Variants in SPG11 observed in about 807,000 individuals in gnomAD.
SPG11 encodes SPG11 vesicle trafficking associated, spatacsin.
Under a neutral mutation model 274.0 loss-of-function variants are expected in SPG11, and 222 were observed. The observed-to-expected ratio is 0.81, with a 90% CI of 0.73 to 0.91. SPG11 has a LOEUF of 0.91. Ranked by LOEUF, SPG11 falls within the 40% of genes least tolerant of loss-of-function variation. The pLI is 0.00. For missense variants in SPG11, 3,114 were observed against 2,872.7 expected (o/e 1.08, Z -1.92); for synonymous variants, 1,144 against 1,039.7 (o/e 1.10, Z -1.93).
At position 44,620,147 on chromosome 15, in the gene SPG11, C is replaced by A. The variant is rs369622164; in HGVS notation, c.2834+43G>T. On this transcript the variant is annotated intron_variant, in intron 15 of 39. Transcript: ENST00000261866. ...TACCATTATTTTTTCTTGCTCTTCC[C>A]TTGTATTCTTCCCATTGGGTATTAG... 96 of 1,473,096 alleles carry A rather than the reference C, an allele frequency of 6.5e-5. No individual in the cohort carries two copies. The African/African-American group carries it at 1.1e-3, about 17-fold the overall frequency. The allele number at this position is 1,473,096 out of a possible 1,614,324, so 91.3% of individuals were successfully genotyped here.
chr15:44,564,751 C>G, intron 38 of SPG11, 53 bp from the exon 39 acceptor site: 1 of 1,587,952 alleles, frequency 6.3e-7, no homozygotes, highest in East Asian at 2.2e-5. Flanking sequence ...GATGTAAAAT[C>G]AAAAACAAAC....
In SPG11 at chr15:44,583,858, A is replaced by G. The variant is rs1177172955; in HGVS notation, c.5822T>C (p.Leu1941Pro). 1 of 1,614,180 alleles carries G rather than the reference A, an allele frequency of 6.2e-7. No homozygotes were observed. The highest frequency in any genetic ancestry group is 8.5e-7 in the Non-Finnish European group (1 of 1,180,020). The change falls in exon 30 of 40, where the codon CTT becomes CCT. Residue 1941 changes from leucine to proline, a missense_variant. Transcript: ENST00000261866. ...GGGAATGTCGGGTGCTTCTTCCTCA[A>G]GCAGCTCAGCACTTTGTAGGAGAGC... is the stretch of plus-strand genomic sequence containing the variant. ...IHALLQSAEL[L>P]EEEAPDIPLR...
chr15:44,618,541 G>A (rs1191653247), intron 15 of SPG11, among the ~76,000 whole-genome samples: 1 of 149,136 alleles, frequency 6.7e-6, no homozygotes, highest in African/African-American at 2.5e-5. Context: ...AAAAAGGCCG[G>A]GCACGGTGGC....
rs1291873470 is a variant in SPG11 at position 44,608,566 on chromosome 15, C to T, written c.3331G>A (p.Val1111Met). 1.9e-6 allele frequency: 3 copies of T among 1,613,930 alleles called. No individual in the cohort carries two copies. In the African/African-American group the frequency reaches 4.0e-5, roughly 22 times the overall value. ...NEENENCLKK[V>M]DPQLLKMALT... ...GCCATCTTCAATAGCTGGGGATCCA[C>T]TTTCTTCAAACAGTTTTCATTTTCT... The change falls in exon 19 of 40, where the codon GTG (valine) becomes ATG (methionine). Residue 1111 changes from valine (V) to methionine (M), a missense_variant. Val to Met is a conservative substitution (Grantham distance 21, BLOSUM62 1). Coordinates refer to ENST00000261866, the MANE Select transcript of SPG11 (RefSeq NM_025137.4).
At chr15:44,572,866 G>C in intron 32 of SPG11, 46 bp from the exon 33 acceptor site, 2 of 1,609,316 alleles carry the variant, frequency 1.2e-6, no homozygotes, top group Non-Finnish European at 1.7e-6. Context: ...ATCTAAGAGA[G>C]GCCCACTCTG....
At chr15:44,637,379 G>A (rs1409859021) in intron 7 of SPG11, among the ~76,000 whole-genome samples, 1 of 152,116 alleles carries the variant, frequency 6.6e-6, no homozygotes, top group Non-Finnish European at 1.5e-5. Flanking sequence ...AGTTCCTCAA[G>A]CTCACTCAGT....
At chr15:44,648,469 C>A (rs1444263324) in intron 7 of SPG11, among the ~76,000 whole-genome samples, 4 of 147,990 alleles carry the variant, frequency 2.7e-5, no homozygotes, top group Non-Finnish European at 5.9e-5. Context: ...GCTGAGATTG[C>A]ACCACTGCAC....
chr15:44,569,098 G>A (rs954644207), intron 35 of SPG11, among the ~76,000 whole-genome samples: 2 of 151,524 alleles, frequency 1.3e-5, no homozygotes, highest in African/African-American at 2.4e-5. Flanking sequence ...TGAACCTGGG[G>A]GGCGGATGTT....
At chr15:44,646,377 G>A (rs1185531383) in intron 7 of SPG11, among the ~76,000 whole-genome samples, 1 of 152,166 alleles carries the variant, frequency 6.6e-6, no homozygotes, top group African/African-American at 2.4e-5. Context: ...TACAATCATG[G>A]CAGAAAGTGA....
intron 12 of SPG11, 26 bp downstream of exon 12, chr15:44,622,702 T>C (rs575846240): frequency 6.4e-7 from 1 of 1,551,814 alleles, no homozygotes; most frequent in South Asian, 1.1e-5. Flanking sequence ...AGAAAATGTA[T>C]ACTATGTAGT....
chr15:44,622,876 CAG>C, intron 11 of SPG11, 77 bp from the exon 12 acceptor site: 1 of 973,692 alleles, frequency 1.0e-6, no homozygotes, highest in Non-Finnish European at 1.7e-6. Context: ...GTGTTAGATA[CAG>C]AAACACCCTA....
At position 44,615,399 on chromosome 15, in the gene SPG11, A is replaced by G. The variant is rs1391116075; in HGVS notation, c.3002T>C (p.Leu1001Pro). Residue 1001 changes from leucine to proline, a missense_variant, in exon 16 of 40, where the codon CTG (leucine) becomes CCG (proline). Leu to Pro is a moderately conservative substitution (Grantham distance 98). Coordinates refer to ENST00000261866, the MANE Select transcript of SPG11 (RefSeq NM_025137.4). ...AAGGTAGACATAAAGAAGATGCTGC[A>G]GACTGTGCTCCAAACAATAGAGAAT... ...QFILYCLEHS[L>P]QHLLYVYLDC... 2.5e-6 allele frequency: 4 copies of G among 1,614,076 alleles called. No homozygotes were observed. Among genetic ancestry groups the G allele is most frequent in the Non-Finnish European group, 3.4e-6 (4 of 1,180,000 alleles).
At chr15:44,648,672 T>A (rs1250346727) in intron 7 of SPG11, among the ~76,000 whole-genome samples, 194 bp downstream of exon 7, 3 of 152,184 alleles carry the variant, frequency 2.0e-5, no homozygotes, top group Non-Finnish European at 4.4e-5. Flanking sequence ...TAATCTTATA[T>A]CTTTTAAAGC....
At chr15:44,662,650 TAAAAAA>T (rs527806518) in intron 1 of SPG11, among the ~76,000 whole-genome samples, 11 of 91,194 alleles carry the variant, frequency 1.2e-4, no homozygotes, top group African/African-American at 3.8e-4. Flanking sequence ...ACCTTATCTT[TAAAAAA>T]AAAAAAAAAA....
chr15:44,585,507 CAGG>C lies in SPG11; in HGVS notation c.5121+126_5121+128del, dbSNP rs1280113800. 10 of 696,324 alleles carry C rather than the reference CAGG, an allele frequency of 1.4e-5. No homozygotes were observed. The Admixed American group carries it at 1.5e-4, about 10-fold the overall frequency. 43.1% of individuals were successfully genotyped at this position (696,324 alleles called of 1,614,324 possible). On this transcript the variant is annotated intron_variant, in intron 29 of 39. Transcript: ENST00000261866. ...GTCCCAGCTACTCGGGAGGCTGAGG[CAGG>C]AGAATTGCATGAACCCGAGAGGCGG... is the stretch of plus-strand genomic sequence containing the variant.
At chr15:44,588,370 G>C (rs1176569329) in intron 28 of SPG11, among the ~76,000 whole-genome samples, 1 of 151,826 alleles carries the variant, frequency 6.6e-6, no homozygotes, top group African/African-American at 2.4e-5. Context: ...TTCTGAAATA[G>C]GGTTTGTGAC....
chr15:44,584,923 C>A (rs1028991443), intron 29 of SPG11, among the ~76,000 whole-genome samples: 1 of 152,196 alleles, frequency 6.6e-6, no homozygotes, highest in African/African-American at 2.4e-5. Flanking sequence ...GCCACTGCAC[C>A]TGGCCTTATC....
chr15:44,598,319 A>C lies in SPG11; in HGVS notation c.3947T>G (p.Leu1316Arg), dbSNP rs1233292657. ...CCATGTACCTTCTTCTAAGAGAACA[A>C]GCAATTCTTCTGTGGTTGTCTTTTC... ...DGEKTTTEEL[L>R]VLLEEGTWNS... The change falls in exon 23 of 40, where the codon CTT becomes CGT. Residue 1316 changes from leucine to arginine, a missense_variant. By Grantham distance (102) the Leu-to-Arg change is moderately radical. Transcript: ENST00000261866. 6.2e-7 allele frequency: 1 copy of C among 1,614,040 alleles called. No individual in the cohort carries two copies. The highest frequency in any genetic ancestry group is 1.3e-5 in the African/African-American group (1 of 74,938).
Position 44,595,375 on chromosome 15 carries a change from G to A in SPG11, c.4519C>T (p.Gln1507Ter), listed in dbSNP as rs761377114. 3 of 1,614,196 alleles carry A rather than the reference G, an allele frequency of 1.9e-6. No homozygotes were observed. Among genetic ancestry groups the A allele is most frequent in the Admixed American group, 3.3e-5 (2 of 60,030 alleles). Residue 1507 changes from glutamine (Q) to a stop codon, truncating the protein, a stop_gained, in exon 26 of 40, where the codon CAG (glutamine) becomes TAG (stop). Coordinates refer to ENST00000261866, the MANE Select transcript of SPG11 (RefSeq NM_025137.4). LOFTEE classifies it high-confidence loss of function. The part of the protein sequence containing the change: ...NVATEAMGHI[Q>*]DSTEDHTWNL... ...CAGGTATGGTCCTCTGTTGAGTCCT[G>A]AATGTGTCCCATTGCTTCAGTTGCA... is the stretch of plus-strand genomic sequence containing the variant.
Sources: gnomAD v4.1 joint callset for allele counts (sites outside exome capture counted in the v4.1 genomes callset) on GRCh38, gnomAD v4.1.1 for gene constraint, MANE v1.5 for transcripts, NCBI Gene and HGNC (gene_info 2026-07-23, HGNC 2026-07-21) for gene names.